The following ATAD1 variants were observed in gnomAD, a reference collection of about 807,000 sequenced individuals.
ATAD1 encodes the protein outer mitochondrial transmembrane helix translocase.
Under a neutral mutation model 42.7 loss-of-function variants are expected in ATAD1, and 18 were observed. That is an observed-to-expected ratio of 0.42 (90% CI 0.29 to 0.63). The LOEUF is 0.63. Among genes scored for constraint, ATAD1 ranks in the 20% least tolerant of loss-of-function variants. The pLI is 0.19. For missense variants in ATAD1, 294 were observed against 440.4 expected (o/e 0.67, Z 2.98); for synonymous variants, 132 against 143.1 (o/e 0.92, Z 0.55).
chr10:87,816,936 C>CT (rs1185019266), intron 1 of ATAD1, among the ~76,000 whole-genome samples: 2 of 152,170 alleles, frequency 1.3e-5, no homozygotes, highest in Admixed American at 6.5e-5. Context: ...ATTCATTGAA[C>CT]TACATGAACA....
At chr10:87,770,836 C>T (rs2131815008) in intron 7 of ATAD1, 116 bp downstream of exon 7, 1 of 761,714 alleles carries the variant, frequency 1.3e-6, no homozygotes, top group Non-Finnish European at 2.1e-6. Flanking sequence ...CTGCCCCATT[C>T]CTTCCCTGTC....
At chr10:87,759,337 T>C (rs558158566) in intron 8 of ATAD1, among the ~76,000 whole-genome samples, 1 of 152,202 alleles carries the variant, frequency 6.6e-6, no homozygotes, top group Non-Finnish European at 1.5e-5. Flanking sequence ...CAGTGGTTGC[T>C]TAAGGCTGTA....
chr10:87,785,638 G>A (rs1354786877), intron 4 of ATAD1, among the ~76,000 whole-genome samples: 2 of 149,978 alleles, frequency 1.3e-5, no homozygotes, highest in Non-Finnish European at 3.0e-5. Flanking sequence ...GGATCTGGAG[G>A]AGTCCAAAAT....
At chr10:87,777,542 G>A (rs1482876924) in intron 5 of ATAD1, among the ~76,000 whole-genome samples, 4 of 150,886 alleles carry the variant, frequency 2.7e-5, no homozygotes, top group Non-Finnish European at 4.4e-5. Context: ...TAAAAAAAGG[G>A]GAAAACAATT....
In ATAD1 at chr10:87,756,782, A is replaced by T. The variant is rs1372123618; in HGVS notation, c.965+7T>A. On this transcript the variant is annotated splice_region_variant and intron_variant, in intron 9 of 9. Transcript: ENST00000680024. ...CAAGTGTTAAAAATCAAGTCAAAAT[A>T]ACATACCTTTCTTCTGATGTAGAAT... 2 of 1,588,386 alleles carry T rather than the reference A, an allele frequency of 1.3e-6. No individual in the cohort carries two copies.
At chr10:87,804,561 G>A (rs970901612) in intron 2 of ATAD1, among the ~76,000 whole-genome samples, 1 of 151,954 alleles carries the variant, frequency 6.6e-6, no homozygotes, top group African/African-American at 2.4e-5. Context: ...GTAGAGACGG[G>A]GTTTTGCCAT....
chr10:87,783,180 G>C (rs1855651455), intron 5 of ATAD1, among the ~76,000 whole-genome samples: 1 of 152,004 alleles, frequency 6.6e-6, no homozygotes, highest in African/African-American at 2.4e-5. Context: ...AAGAGTTTTA[G>C]ACCATCCTGG....
At chr10:87,782,871 G>A (rs1441093880) in intron 5 of ATAD1, among the ~76,000 whole-genome samples, 2 of 151,848 alleles carry the variant, frequency 1.3e-5, no homozygotes, top group Non-Finnish European at 2.9e-5. Context: ...GGTGGTACAC[G>A]CCTGTATTCT....
At chr10:87,825,158 A>C (rs2132100533) in intron 1 of ATAD1, among the ~76,000 whole-genome samples, 1 of 152,012 alleles carries the variant, frequency 6.6e-6, no homozygotes, top group Non-Finnish European at 1.5e-5. Flanking sequence ...TCATTCCTTC[A>C]TTTTTTGCTT....
chr10:87,821,652 G>A (rs1405810384), upstream of ATAD1, among the ~76,000 whole-genome samples: 1 of 152,170 alleles, frequency 6.6e-6, no homozygotes, highest in Non-Finnish European at 1.5e-5. Context: ...TGTAGGTTTT[G>A]GCCTAGAAAT....
intron 8 of ATAD1, among the ~76,000 whole-genome samples, chr10:87,760,477 G>A (rs1055553692): frequency 2.0e-5 from 3 of 152,176 alleles, no homozygotes; most frequent in African/African-American, 7.2e-5. Flanking sequence ...TGTACAGCTT[G>A]TGGAACGGTG....
At position 87,794,667 on chromosome 10, in the gene ATAD1, A is replaced by C. The variant is rs559696363; in HGVS notation, c.163-1912T>G. 3.3e-5 allele frequency among the ~76,000 whole-genome samples: 5 copies of C among 152,314 alleles called. No homozygotes were observed. The East Asian group carries it at 7.7e-4, about 24-fold the overall frequency. On this transcript the variant is annotated intron_variant, in intron 2 of 9. Coordinates refer to ENST00000680024, the MANE Select transcript of ATAD1 (RefSeq NM_001321967.2). Reference sequence around the variant, plus strand: ...CCCCATCCCAAATAATTATTGGCCCAAAATGTCAACAATGCCTGATATGAG... The same window carrying C: ...CCCCATCCCAAATAATTATTGGCCCCAAATGTCAACAATGCCTGATATGAG...
intron 6 of ATAD1, among the ~76,000 whole-genome samples, chr10:87,775,450 A>C (rs573611857): frequency 6.1e-5 from 9 of 148,074 alleles, no homozygotes; most frequent in Non-Finnish European, 1.0e-4. Context: ...AAGAGAAAAT[A>C]CTAAAGTTAA....
At chr10:87,788,913 G>A (rs1855963413) in intron 4 of ATAD1, among the ~76,000 whole-genome samples, 1 of 152,082 alleles carries the variant, frequency 6.6e-6, no homozygotes, top group Non-Finnish European at 1.5e-5. Context: ...TAAACTGAGT[G>A]TTTTGTTAGG....
Position 87,776,322 on chromosome 10 carries a change from TG to T in ATAD1, c.688del (p.Gln230ArgfsTer3). 1 of 1,608,448 alleles carries T rather than the reference TG, an allele frequency of 6.2e-7. No homozygotes were observed. The highest frequency in any genetic ancestry group is 1.1e-5 in the South Asian group (1 of 89,904). ...TGAGGGCAGATTTTATTCAAATACC[TG>T]GCAGCTGTGATCAGTATCCAATCCA... ...WDGLDTDHSC[Q>X]VIVMGATNRP... On this transcript the variant is annotated frameshift_variant and splice_region_variant, in exon 6 of 10. Coordinates refer to ENST00000680024, the MANE Select transcript of ATAD1 (RefSeq NM_001321967.2). LOFTEE classifies it high-confidence loss of function.
At chr10:87,779,318 ATAAAACAAAATAAAT>A (rs145159166) in intron 5 of ATAD1, among the ~76,000 whole-genome samples, 44,535 of 152,022 alleles carry the variant, frequency 0.29, 6,724 homozygotes, top group Middle Eastern at 0.31. Flanking sequence ...ATAAAATAAA[ATAAAACAAAATAAAT>A]AAAATAAAAT....
At chr10:87,781,357 A>C (rs1191718920) in intron 5 of ATAD1, among the ~76,000 whole-genome samples, 1 of 152,200 alleles carries the variant, frequency 6.6e-6, no homozygotes, top group Non-Finnish European at 1.5e-5. Flanking sequence ...GAACTTCTAA[A>C]GTTCAAATAT....
intron 2 of ATAD1, among the ~76,000 whole-genome samples, chr10:87,801,455 T>C (rs1467695021): frequency 1.3e-5 from 2 of 152,082 alleles, no homozygotes; most frequent in Non-Finnish European, 2.9e-5. Flanking sequence ...AGAAATGGTG[T>C]TTGGTTTTCT....
chr10:87,798,625 G>GGTGT (rs71022506), intron 2 of ATAD1, among the ~76,000 whole-genome samples: 5,333 of 124,880 alleles, frequency 0.043, 365 homozygotes, highest in East Asian at 0.3. Flanking sequence ...AGCTATAGGG[G>GGTGT]GTGTGTGTGT....
Sources: allele counts gnomAD v4.1 joint callset (sites outside exome capture counted in the v4.1 genomes callset), GRCh38; gene constraint gnomAD v4.1.1; transcripts MANE v1.5; gene names NCBI Gene and HGNC (gene_info 2026-07-23, HGNC 2026-07-21).